Variants in CCDC30 observed in about 807,000 individuals in gnomAD.
The protein encoded by CCDC30 is coiled-coil domain containing 30.
A neutral mutation model predicts 100.2 loss-of-function variants in CCDC30; 70 were observed. The ratio of observed to expected loss-of-function variants is 0.70; its 90% CI spans 0.58 to 0.85. CCDC30 has a LOEUF of 0.85. CCDC30 is among the 40% of genes least tolerant of loss of function. The probability of loss-of-function intolerance (pLI) is 0.00; values close to 1 mark genes in which losing one functional copy is unlikely to be tolerated. For synonymous variants in CCDC30, 233 were observed against 269.5 expected (o/e 0.86, Z 1.33); for missense variants, 652 against 771.2 (o/e 0.85, Z 1.83).
rs563022326 is a variant in CCDC30 at position 42,618,229 on chromosome 1, C to CTTTT, written c.1277+7160_1277+7163dup. ...GGAGGATGTTGAAAACCAGTGATAT[C>CTTTT]TTTTTTTTTTTTTTTTTTTTTTTTG... is the stretch of plus-strand genomic sequence containing the variant. On this transcript the variant is annotated intron_variant, in intron 11 of 16. Transcript: ENST00000668663. Among the ~76,000 whole-genome samples, 528 of 90,452 alleles carry CTTTT rather than the reference C, an allele frequency of 5.8e-3. 26 individuals are homozygous for CTTTT. Among genetic ancestry groups the CTTTT allele is most frequent in the African/African-American group, 0.018 (406 of 22,076 alleles). 59.3% of individuals were successfully genotyped at this position (90,452 alleles called of 152,430 possible).
intron 10 of CCDC30, among the ~76,000 whole-genome samples, chr1:42,606,201 T>G (rs1226076960): frequency 6.6e-6 from 1 of 152,226 alleles, no homozygotes; most frequent in Non-Finnish European, 1.5e-5. Context: ...AAATCATAAC[T>G]GCATAAAATT....
the CCDC30 span, among the ~76,000 whole-genome samples, chr1:42,457,870 G>A: frequency 6.6e-6 from 1 of 151,290 alleles, no homozygotes; most frequent in Non-Finnish European, 1.5e-5. Context: ...CAGAAGAATC[G>A]CTTGAAACCA....
upstream of CCDC30, chr1:42,459,938 C>CT (rs746509252): frequency 6.3e-7 from 1 of 1,576,036 alleles, no homozygotes; most frequent in Non-Finnish European, 8.6e-7. Context: ...GTAAAAAGCC[C>CT]TTATAGGATC....
intron 6 of CCDC30, chr1:42,510,232 G>T (rs1644455983): frequency 3.4e-6 from 2 of 586,330 alleles, no homozygotes; most frequent in Non-Finnish European, 4.3e-6. Context: ...TTTTCCTTTT[G>T]ACCTACCATA....
At chr1:42,535,528 A>G (rs1644878338) in intron 6 of CCDC30, among the ~76,000 whole-genome samples, 1 of 148,562 alleles carries the variant, frequency 6.7e-6, no homozygotes, top group Non-Finnish European at 1.5e-5. Flanking sequence ...GCCAAACCAA[A>G]TGTGCAATTA....
At chr1:42,535,825 A>G (rs954038185) in intron 6 of CCDC30, among the ~76,000 whole-genome samples, 8 of 144,404 alleles carry the variant, frequency 5.5e-5, no homozygotes, top group Non-Finnish European at 1.0e-4. Context: ...CCTAAGTTGT[A>G]TTTTGATCTC....
chr1:42,621,655 G>C (rs1469568798), intron 11 of CCDC30, among the ~76,000 whole-genome samples: 3 of 152,086 alleles, frequency 2.0e-5, no homozygotes, highest in Non-Finnish European at 4.4e-5. Flanking sequence ...AGGACTACAG[G>C]CGCCTGCCAC....
At chr1:42,579,022 C>T (rs997032056) in intron 8 of CCDC30, among the ~76,000 whole-genome samples, 8 of 152,038 alleles carry the variant, frequency 5.3e-5, no homozygotes, top group Non-Finnish European at 1.0e-4. Flanking sequence ...GACAGAGTCT[C>T]GCTCTGTCAC....
At chr1:42,456,164 G>A in the CCDC30 span, 1 of 651,988 alleles carries the variant, frequency 1.5e-6, no homozygotes, top group Non-Finnish European at 2.8e-6. Flanking sequence ...AGTTGGAAAA[G>A]GGGAAGAAAG....
In CCDC30 at chr1:42,584,852, A is replaced by G. The variant is rs369996453; in HGVS notation, c.1001+3338A>G. 2.4e-4 allele frequency among the ~76,000 whole-genome samples: 37 copies of G among 152,284 alleles called. 1 individual carries two copies. In the East Asian group the frequency reaches 6.9e-3, roughly 29 times the overall value. ...GAAGGTATTGGTCTGTGGTTTTCCT[A>G]TCATATAATATCTGTATCTGGTTTT... On this transcript the variant is annotated intron_variant, in intron 9 of 16. Transcript: ENST00000668663.
chr1:42,536,406 GTTA>G (rs1281914635), intron 6 of CCDC30, 67 bp from the exon 7 acceptor site: 5 of 960,920 alleles, frequency 5.2e-6, no homozygotes, highest in Non-Finnish European at 7.6e-6. Flanking sequence ...TTAGAAAGTT[GTTA>G]TTATCAGAAT....
chr1:42,561,169 G>C (rs1354515030), intron 6 of CCDC30, among the ~76,000 whole-genome samples: 1 of 152,078 alleles, frequency 6.6e-6, no homozygotes, highest in African/African-American at 2.4e-5. Context: ...AAAACTTCAG[G>C]CCAATATCCC....
chr1:42,495,289 A>G (rs1367916365), intron 4 of CCDC30, among the ~76,000 whole-genome samples: 1 of 151,582 alleles, frequency 6.6e-6, no homozygotes, highest in Non-Finnish European at 1.5e-5. Flanking sequence ...TCTCACTCAT[A>G]GGTGGGAATT....
chr1:42,622,473 T>C (rs1418447497), intron 11 of CCDC30, among the ~76,000 whole-genome samples: 1 of 152,216 alleles, frequency 6.6e-6, no homozygotes, highest in Admixed American at 6.5e-5. Context: ...ATTGCTCAAA[T>C]ATATGATAGC....
chr1:42,638,599 C>T (rs1647207994), intron 12 of CCDC30, among the ~76,000 whole-genome samples: 1 of 148,712 alleles, frequency 6.7e-6, no homozygotes, highest in Non-Finnish European at 1.5e-5. Flanking sequence ...AGAGGCAGGG[C>T]ACGGTGGCTT....
At chr1:42,620,727 T>C (rs1646814729) in intron 11 of CCDC30, among the ~76,000 whole-genome samples, 1 of 152,072 alleles carries the variant, frequency 6.6e-6, no homozygotes, top group South Asian at 2.1e-4. Flanking sequence ...TAAAATCAGC[T>C]AAGGAAAAAG....
intron 9 of CCDC30, among the ~76,000 whole-genome samples, chr1:42,583,165 T>A (rs971476684): frequency 6.6e-6 from 1 of 152,242 alleles, no homozygotes; most frequent in Non-Finnish European, 1.5e-5. Flanking sequence ...TATCCATTAG[T>A]AAACTGCTGA....
At position 42,473,431 on chromosome 1, in the gene CCDC30, CTTTT is replaced by C. The variant is rs533619604; in HGVS notation, c.-91-7022_-91-7019del. Reference sequence around the variant, plus strand: ...GTTTGAAAAGCACCCACGTGTAGACCTTTTTTTTTTTCTAATGAAACATGGCAAC... The same window carrying C: ...GTTTGAAAAGCACCCACGTGTAGACCTTTTTTTCTAATGAAACATGGCAAC... On this transcript the variant is annotated intron_variant, in intron 1 of 16. Coordinates refer to ENST00000668663, the Ensembl canonical transcript of CCDC30. 2.0e-3 allele frequency: 752 copies of C among 380,606 alleles called. 4 individuals carry two copies. Among genetic ancestry groups the C allele is most frequent in the African/African-American group, 0.015 (685 of 46,784 alleles). The allele number at this position is 380,606 out of a possible 1,614,324, so 23.6% of individuals were successfully genotyped here.
In CCDC30 at chr1:42,577,012, A is replaced by G. The variant is rs1645852150; in HGVS notation, c.637-8A>G. 2 of 1,588,410 alleles carry G rather than the reference A, an allele frequency of 1.3e-6. No homozygotes were observed. Among genetic ancestry groups the G allele is most frequent in the Admixed American group, 1.7e-5 (1 of 59,682 alleles). On this transcript the variant is annotated splice_polypyrimidine_tract_variant and splice_region_variant and intron_variant, in intron 7 of 16. Transcript: ENST00000668663. Reference sequence around the variant, plus strand: ...TTTGTATTACTCTTACTTATTCTCTACCTCTAGATAAAGATTGAACTAAAG... The same window carrying G: ...TTTGTATTACTCTTACTTATTCTCTGCCTCTAGATAAAGATTGAACTAAAG...
Sources: gnomAD v4.1 joint callset for allele counts (sites outside exome capture counted in the v4.1 genomes callset) on GRCh38, gnomAD v4.1.1 for gene constraint, MANE v1.5 for transcripts, NCBI Gene and HGNC (gene_info 2026-07-23, HGNC 2026-07-21) for gene names.